IL18: variants seen among roughly 807,000 people sequenced by gnomAD.
IL18 encodes the protein interleukin-18.
Under a neutral mutation model 14.2 loss-of-function variants are expected in IL18, and 8 were observed. That is an observed-to-expected ratio of 0.56 (90% CI 0.33 to 1.01). The LOEUF (loss-of-function observed/expected upper bound fraction) is 1.01, where lower values mean the gene tolerates loss of function less well. Among genes scored for constraint, IL18 ranks in the 50% least tolerant of loss-of-function variants. The probability of loss-of-function intolerance (pLI) is 0.03; values close to 1 mark genes in which losing one functional copy is unlikely to be tolerated. For missense variants in IL18, 166 were observed against 231.1 expected (o/e 0.72, Z 1.83); for synonymous variants, 67 against 71.0 (o/e 0.94, Z 0.28).
At chr11:112,146,445 C>T (rs541849434) in intron 5 of IL18, among the ~76,000 whole-genome samples, 172 of 152,276 alleles carry the variant, frequency 1.1e-3, no homozygotes, top group African/African-American at 4.0e-3. Context: ...CTCAGGCTCA[C>T]GAGTAGCTGG....
At chr11:112,157,500 C>T (rs1044642722) in intron 1 of IL18, among the ~76,000 whole-genome samples, 2 of 152,092 alleles carry the variant, frequency 1.3e-5, no homozygotes, top group African/African-American at 4.8e-5. Context: ...TCCTACTCTC[C>T]AGTGACTCAG....
At chr11:112,160,185 C>G (rs1866604832) in intron 1 of IL18, among the ~76,000 whole-genome samples, 1 of 152,030 alleles carries the variant, frequency 6.6e-6, no homozygotes, top group African/African-American at 2.4e-5. Context: ...TGTTTTAAAT[C>G]AAGCCCTCAT....
chr11:112,157,767 A>G (rs954149468), intron 1 of IL18, among the ~76,000 whole-genome samples: 8 of 152,174 alleles, frequency 5.3e-5, no homozygotes, highest in Non-Finnish European at 1.0e-4. Context: ...TTGAGGCCTC[A>G]ACATTTTTAC....
chr11:112,160,527 T>G (rs1201660447), intron 1 of IL18, among the ~76,000 whole-genome samples: 1 of 152,174 alleles, frequency 6.6e-6, no homozygotes, highest in African/African-American at 2.4e-5. Context: ...TGTTCAGCTT[T>G]CATCTGAGTT....
chr11:112,159,934 G>A (rs1866601277), intron 1 of IL18, among the ~76,000 whole-genome samples: 1 of 152,144 alleles, frequency 6.6e-6, no homozygotes, highest in South Asian at 2.1e-4. Flanking sequence ...GTAGTTACTG[G>A]TGGTGGGGGG....
At chr11:112,152,599 T>C (rs1471555809) in intron 3 of IL18, among the ~76,000 whole-genome samples, 1 of 152,314 alleles carries the variant, frequency 6.6e-6, no homozygotes, top group Non-Finnish European at 1.5e-5. Context: ...ATGAGGGGGA[T>C]TGATGTGTTT....
intron 1 of IL18, among the ~76,000 whole-genome samples, chr11:112,158,871 A>G (rs1866580480): frequency 2.0e-5 from 3 of 152,216 alleles, no homozygotes; most frequent in African/African-American, 7.2e-5. Context: ...TTCAATTCAC[A>G]TAAAATGCAA....
chr11:112,151,981 A>C (rs1490496423), intron 3 of IL18, among the ~76,000 whole-genome samples: 1 of 151,900 alleles, frequency 6.6e-6, no homozygotes, highest in Admixed American at 6.6e-5. Flanking sequence ...TTGTCTTTTT[A>C]TCTCTATAGA....
At chr11:112,162,063 C>T (rs1408615566) in intron 1 of IL18, among the ~76,000 whole-genome samples, 3 of 151,932 alleles carry the variant, frequency 2.0e-5, no homozygotes, top group South Asian at 4.2e-4. Context: ...ATTATGAATG[C>T]GTGTATGTGA....
intron 5 of IL18, 116 bp from the exon 6 acceptor site, chr11:112,143,933 T>G: frequency 1.5e-6 from 1 of 670,420 alleles, no homozygotes; most frequent in Non-Finnish European, 2.5e-6. Context: ...TCTCAAGAGT[T>G]ACATAAAAAA....
At chr11:112,162,804 AGTTT>A (rs896824982) in intron 1 of IL18, among the ~76,000 whole-genome samples, 6 of 152,136 alleles carry the variant, frequency 3.9e-5, no homozygotes, top group African/African-American at 7.2e-5. Flanking sequence ...TTTTGAAGGA[AGTTT>A]GTTTGTTTTT....
At chr11:112,154,921 C>G in intron 2 of IL18, 54 bp downstream of exon 2, 2 of 1,130,196 alleles carry the variant, frequency 1.8e-6, no homozygotes, top group South Asian at 1.3e-5. Flanking sequence ...AACATCTTTT[C>G]TAATTGAATA....
chr11:112,149,558 GTTTTTTT>G (rs561459069), intron 4 of IL18, among the ~76,000 whole-genome samples: 2 of 99,374 alleles, frequency 2.0e-5, no homozygotes, highest in African/African-American at 3.9e-5. Flanking sequence ...CTTTTCTTAA[GTTTTTTT>G]TTTTTTTTTT....
intron 1 of IL18, among the ~76,000 whole-genome samples, chr11:112,160,696 A>AT (rs1161295838): frequency 2.0e-5 from 3 of 152,098 alleles, no homozygotes; most frequent in South Asian, 4.1e-4. Context: ...GAATATATAT[A>AT]TTTTTTCTAT....
At chr11:112,152,715 G>A (rs1866464451) in intron 3 of IL18, among the ~76,000 whole-genome samples, 1 of 152,156 alleles carries the variant, frequency 6.6e-6, no homozygotes, top group Non-Finnish European at 1.5e-5. Context: ...AACTATGTGA[G>A]TGAGATCAAC....
chr11:112,151,778 A>G (rs1032670531), intron 3 of IL18, among the ~76,000 whole-genome samples: 4 of 152,166 alleles, frequency 2.6e-5, no homozygotes, highest in African/African-American at 9.7e-5. Context: ...AAAATTCAAC[A>G]CAACACCTAT....
At chr11:112,144,965 T>C (rs1425283902) in intron 5 of IL18, among the ~76,000 whole-genome samples, 1 of 152,258 alleles carries the variant, frequency 6.6e-6, no homozygotes, top group African/African-American at 2.4e-5. Flanking sequence ...TTTTGCAGGA[T>C]GGATCAGAAC....
chr11:112,151,836 G>T (rs1426531978), intron 3 of IL18, among the ~76,000 whole-genome samples: 1 of 152,086 alleles, frequency 6.6e-6, no homozygotes, highest in Non-Finnish European at 1.5e-5. Context: ...AATTCTCTTG[G>T]TTTTTCTTCT....
intron 1 of IL18, among the ~76,000 whole-genome samples, chr11:112,162,058 G>C (rs1866640936): frequency 6.6e-6 from 1 of 152,142 alleles, no homozygotes; most frequent in African/African-American, 2.4e-5. Flanking sequence ...ATCTTATTAT[G>C]AATGCGTGTA....
Sources: gnomAD v4.1 joint callset for allele counts (sites outside exome capture counted in the v4.1 genomes callset) on GRCh38, gnomAD v4.1.1 for gene constraint, MANE v1.5 for transcripts, NCBI Gene and HGNC (gene_info 2026-07-23, HGNC 2026-07-21) for gene names.